The following PRMT8 variants were observed in gnomAD, a reference collection of about 807,000 sequenced individuals.
PRMT8 encodes protein arginine N-methyltransferase 8.
Under a neutral mutation model 47.1 loss-of-function variants are expected in PRMT8, and 7 were observed. The ratio of observed to expected loss-of-function variants is 0.15; its 90% CI spans 0.08 to 0.28. The LOEUF is 0.28. PRMT8 is among the 10% of genes least tolerant of loss of function. The pLI is 1.00. For synonymous variants in PRMT8, 188 were observed against 186.5 expected, an observed-to-expected ratio of 1.01 and a Z score of -0.07; for missense variants, 237 against 505.4, an observed-to-expected ratio of 0.47 and a Z score of 5.09.
intron 1 of PRMT8, among the ~76,000 whole-genome samples, chr12:3,482,412 A>G (rs531771866): frequency 1.3e-5 from 2 of 152,340 alleles, no homozygotes; most frequent in South Asian, 4.1e-4. Flanking sequence ...TTTGCTCAGG[A>G]TGCACTAACT....
intron 1 of PRMT8, among the ~76,000 whole-genome samples, chr12:3,465,229 AAT>A (rs892995214): frequency 1.5e-3 from 217 of 142,758 alleles, no homozygotes; most frequent in Non-Finnish European, 2.5e-3. Flanking sequence ...ATAAATATAA[AAT>A]ATATATATTT....
chr12:3,420,151 C>T (rs143958316), intron 1 of PRMT8, among the ~76,000 whole-genome samples: 5 of 152,092 alleles, frequency 3.3e-5, no homozygotes, highest in East Asian at 1.9e-4. Context: ...AGCATTGGCA[C>T]GAGCCTCAGA....
chr12:3,578,518 C>T (rs1034733118), intron 7 of PRMT8, among the ~76,000 whole-genome samples: 1 of 152,182 alleles, frequency 6.6e-6, no homozygotes, highest in Non-Finnish European at 1.5e-5. Context: ...CTACCACGCC[C>T]AGCCCAGGTT....
Position 3,585,345 on chromosome 12 carries a change from C to CTTTTTT in PRMT8, c.979+2159_979+2164dup, listed in dbSNP as rs71061123. Among the ~76,000 whole-genome samples the CTTTTTT allele has an allele frequency of 1.7e-3, 80 of 45,792 alleles. 23 individuals carry two copies. The highest frequency in any genetic ancestry group is 6.3e-3 in the African/African-American group (70 of 11,024). 30.0% of individuals were successfully genotyped at this position (45,792 alleles called of 152,430 possible). A position where few individuals can be genotyped will look rare whatever the true frequency, so the allele number is the denominator to read the frequency against. The stretch of plus-strand genomic sequence containing the variant: ...TCCAGAAGCCATGAAGAAAATGATG[C>CTTTTTT]TTTTTTTTTTTTTTTTTTTTTTTTT... On this transcript the variant is annotated intron_variant, in intron 8 of 9. Transcript: ENST00000382622.
intron 2 of PRMT8, among the ~76,000 whole-genome samples, chr12:3,543,495 C>T (rs1866269442): frequency 6.6e-6 from 1 of 152,182 alleles, no homozygotes; most frequent in Admixed American, 6.5e-5. Context: ...AGTCTTCTCC[C>T]CATCATTAAC....
chr12:3,558,740 A>C (rs1303828577), intron 4 of PRMT8, among the ~76,000 whole-genome samples: 2 of 152,224 alleles, frequency 1.3e-5, no homozygotes, highest in Non-Finnish European at 2.9e-5. Flanking sequence ...GAAATCTCAC[A>C]GACAGGATGC....
intron 1 of PRMT8, among the ~76,000 whole-genome samples, chr12:3,524,716 C>A (rs1865927561): frequency 6.6e-6 from 1 of 151,114 alleles, no homozygotes; most frequent in Admixed American, 6.6e-5. Context: ...AAAATTGTGA[C>A]CCCATGTGTC....
intron 1 of PRMT8, among the ~76,000 whole-genome samples, chr12:3,406,599 G>A (rs1300804262): frequency 6.6e-6 from 1 of 152,162 alleles, no homozygotes; most frequent in Non-Finnish European, 1.5e-5. Context: ...GGGGCAAAAT[G>A]CCACCAGCCT....
At chr12:3,464,890 C>T (rs542004975) in intron 1 of PRMT8, among the ~76,000 whole-genome samples, 37 of 152,000 alleles carry the variant, frequency 2.4e-4, no homozygotes, top group Non-Finnish European at 4.4e-4. Context: ...TTTAGGAGGC[C>T]GAGGTGGGTG....
At chr12:3,460,031 G>A (rs1865023550) in intron 1 of PRMT8, among the ~76,000 whole-genome samples, 1 of 152,244 alleles carries the variant, frequency 6.6e-6, no homozygotes, top group African/African-American at 2.4e-5. Context: ...AGGTTAAGCT[G>A]TGTGGATCTT....
intron 1 of PRMT8, among the ~76,000 whole-genome samples, chr12:3,517,780 G>A (rs1865818564): frequency 6.6e-6 from 1 of 152,122 alleles, no homozygotes; most frequent in South Asian, 2.1e-4. Flanking sequence ...GTCCGCTGGG[G>A]AGAATGTTGC....
At chr12:3,421,287 G>A (rs1428911283) in intron 1 of PRMT8, among the ~76,000 whole-genome samples, 1 of 152,194 alleles carries the variant, frequency 6.6e-6, no homozygotes, top group Non-Finnish European at 1.5e-5. Flanking sequence ...TGGGACAGAA[G>A]GACACTCCTG....
chr12:3,528,606 C>T (rs1272039489), intron 1 of PRMT8, among the ~76,000 whole-genome samples: 1 of 151,764 alleles, frequency 6.6e-6, no homozygotes, highest in Non-Finnish European at 1.5e-5. Flanking sequence ...GTCTTATATA[C>T]TAATTTCATC....
chr12:3,424,266 G>T (rs1864576833), intron 1 of PRMT8, among the ~76,000 whole-genome samples: 1 of 152,130 alleles, frequency 6.6e-6, no homozygotes, highest in African/African-American at 2.4e-5. Flanking sequence ...AGGATTAAGG[G>T]GATTGGTTAT....
chr12:3,396,183 C>G (rs962685964), intron 1 of PRMT8, among the ~76,000 whole-genome samples: 26 of 152,134 alleles, frequency 1.7e-4, no homozygotes, highest in Non-Finnish European at 3.7e-4. Flanking sequence ...CAGTTTGTGT[C>G]TTTTAATTGG....
At chr12:3,443,836 T>C (rs1011728314) in intron 1 of PRMT8, among the ~76,000 whole-genome samples, 8 of 152,228 alleles carry the variant, frequency 5.3e-5, no homozygotes, top group Non-Finnish European at 1.0e-4. Flanking sequence ...GGACCCCATA[T>C]GGTTCAGCCA....
At chr12:3,518,924 A>C (rs2137138647) in intron 1 of PRMT8, among the ~76,000 whole-genome samples, 1 of 152,324 alleles carries the variant, frequency 6.6e-6, no homozygotes, top group Non-Finnish European at 1.5e-5. Context: ...AACTGCAAAA[A>C]ATTAACAAAT....
chr12:3,395,542 T>A (rs1481615668), intron 1 of PRMT8, among the ~76,000 whole-genome samples: 3 of 152,056 alleles, frequency 2.0e-5, no homozygotes, highest in Non-Finnish European at 4.4e-5. Flanking sequence ...TTCTTAATCC[T>A]GAGTTCTAGT....
Position 3,591,407 on chromosome 12 carries a change from C to CTTT in PRMT8, c.980-805_980-803dup, listed in dbSNP as rs34619063. 1.5e-3 allele frequency among the ~76,000 whole-genome samples: 171 copies of CTTT among 115,674 alleles called. 2 individuals are homozygous for CTTT. The highest frequency in any genetic ancestry group is 2.8e-3 in the Admixed American group (29 of 10,524). 75.9% of individuals were successfully genotyped at this position (115,674 alleles called of 152,430 possible). On this transcript the variant is annotated intron_variant, in intron 8 of 9. Coordinates refer to ENST00000382622, the MANE Select transcript of PRMT8 (RefSeq NM_019854.5). ...CACAGAGAAGCAGGCAGGGAAAGCT[C>CTTT]TTTTTTTTTTTTTTTTTTTTTGAGA...
Sources: allele counts gnomAD v4.1 joint callset (sites outside exome capture counted in the v4.1 genomes callset), GRCh38; gene constraint gnomAD v4.1.1; transcripts MANE v1.5; gene names NCBI Gene and HGNC (gene_info 2026-07-23, HGNC 2026-07-21).